CAMK2D: variants seen among roughly 807,000 people sequenced by gnomAD.
CAMK2D encodes the protein calcium/calmodulin-dependent protein kinase type II subunit delta.
Under a neutral mutation model 84.0 loss-of-function variants are expected in CAMK2D, and 37 were observed. The observed-to-expected ratio is 0.44, with a 90% confidence interval of 0.34 to 0.58. The LOEUF is 0.58. Ranked by LOEUF, CAMK2D falls within the 20% of genes least tolerant of loss-of-function variation. The pLI, the probability that CAMK2D is intolerant of heterozygous loss-of-function variation, is 0.02. For missense variants in CAMK2D, 448 were observed against 652.5 expected, an observed-to-expected ratio of 0.69 and a Z score of 3.41; for synonymous variants, 202 against 212.5, an observed-to-expected ratio of 0.95 and a Z score of 0.43.
chr4:113,459,327 T>C (rs1474756618), intron 18 of CAMK2D, among the ~76,000 whole-genome samples: 4 of 152,158 alleles, frequency 2.6e-5, no homozygotes. Flanking sequence ...CAAAGTGATC[T>C]CTCATCTCAG....
intron 8 of CAMK2D, among the ~76,000 whole-genome samples, chr4:113,525,024 G>C (rs1170998772): frequency 1.3e-5 from 2 of 152,280 alleles, no homozygotes; most frequent in African/African-American, 4.8e-5. Flanking sequence ...TATCCAGTAG[G>C]CTTGGGATTT....
chr4:113,613,785 A>AAT (rs936950127), intron 3 of CAMK2D, among the ~76,000 whole-genome samples: 3 of 152,130 alleles, frequency 2.0e-5, no homozygotes, highest in African/African-American at 4.8e-5. Flanking sequence ...CAACATACAA[A>AAT]ATATCATAAA....
intron 4 of CAMK2D, among the ~76,000 whole-genome samples, chr4:113,562,907 A>T (rs1441247023): frequency 6.6e-6 from 1 of 152,232 alleles, no homozygotes; most frequent in Non-Finnish European, 1.5e-5. Context: ...ACTTAGTAGT[A>T]GCTTTGTCAC....
intron 16 of CAMK2D, among the ~76,000 whole-genome samples, chr4:113,492,652 T>C (rs1028610766): frequency 3.3e-5 from 5 of 151,000 alleles, no homozygotes; most frequent in African/African-American, 1.2e-4. Context: ...TAGATGTCTA[T>C]TAGGTCCACT....
At chr4:113,692,651 T>C (rs1370176152) in intron 2 of CAMK2D, among the ~76,000 whole-genome samples, 2 of 151,076 alleles carry the variant, frequency 1.3e-5, no homozygotes, top group African/African-American at 4.8e-5. Context: ...CATATTCATA[T>C]ATACATACAT....
intron 4 of CAMK2D, among the ~76,000 whole-genome samples, chr4:113,556,652 C>T (rs1402788704): frequency 1.3e-5 from 2 of 152,166 alleles, no homozygotes; most frequent in Admixed American, 6.5e-5. Context: ...AGCGTGCCAA[C>T]CAGTGTGCCA....
chr4:113,532,443 G>A (rs1001321608), intron 7 of CAMK2D, among the ~76,000 whole-genome samples: 2 of 152,248 alleles, frequency 1.3e-5, no homozygotes, highest in Admixed American at 6.5e-5. Context: ...TAAATATTTG[G>A]TTGGTAGTTG....
rs752979224 is a variant in CAMK2D at position 113,537,467 on chromosome 4, GAGACTGA to G, written c.415-31_415-25del. 6.2e-5 allele frequency: 84 copies of G among 1,352,160 alleles called. 1 individual carries two copies. In the East Asian group the frequency reaches 1.9e-3, roughly 31 times the overall value. 83.8% of individuals were successfully genotyped at this position (1,352,160 alleles called of 1,614,324 possible). A position where few individuals can be genotyped will look rare whatever the true frequency, so the allele number is the denominator to read the frequency against. On this transcript the variant is annotated intron_variant, in intron 6 of 20. Transcript: ENST00000511664. Reference sequence around the variant, plus strand: ...GGCTTTATTTAGAAAGAAAAAAAAAGAGACTGAAGTGAGAACCTATTTTAAGCGACTA... The same window carrying G: ...GGCTTTATTTAGAAAGAAAAAAAAAGAGTGAGAACCTATTTTAAGCGACTA...
chr4:113,528,896 A>G (rs2098439496), intron 8 of CAMK2D, among the ~76,000 whole-genome samples: 1 of 152,136 alleles, frequency 6.6e-6, no homozygotes, highest in Non-Finnish European at 1.5e-5. Flanking sequence ...ATTTTGTGAC[A>G]ATGCTCTAAT....
intron 2 of CAMK2D, among the ~76,000 whole-genome samples, chr4:113,715,317 C>T (rs528191862): frequency 6.6e-6 from 1 of 151,864 alleles, no homozygotes; most frequent in African/African-American, 2.4e-5. Flanking sequence ...GAGCATTCTT[C>T]TCTTCTTCCT....
At chr4:113,459,638 C>CTTTTTT in intron 18 of CAMK2D, among the ~76,000 whole-genome samples, 1 of 133,426 alleles carries the variant, frequency 7.5e-6, no homozygotes, top group Non-Finnish European at 1.6e-5. Context: ...ATCAACATTA[C>CTTTTTT]TTTTTTTTTT....
intron 2 of CAMK2D, among the ~76,000 whole-genome samples, chr4:113,736,847 C>T (rs1196320233): frequency 6.6e-6 from 1 of 152,128 alleles, no homozygotes; most frequent in Non-Finnish European, 1.5e-5. Flanking sequence ...CATTAAATCA[C>T]ATTATCATAC....
chr4:113,601,358 T>G (rs1441282993), intron 4 of CAMK2D, among the ~76,000 whole-genome samples: 1 of 151,958 alleles, frequency 6.6e-6, no homozygotes, highest in African/African-American at 2.4e-5. Context: ...CCTTAAAAAA[T>G]ATAACAAAAT....
intron 4 of CAMK2D, among the ~76,000 whole-genome samples, chr4:113,561,950 C>T (rs1372813241): frequency 1.3e-5 from 2 of 152,112 alleles, no homozygotes; most frequent in African/African-American, 2.4e-5. Context: ...TGGAATATTA[C>T]CAAATGGTTT....
At chr4:113,632,986 A>G (rs914154974) in intron 3 of CAMK2D, among the ~76,000 whole-genome samples, 2 of 152,344 alleles carry the variant, frequency 1.3e-5, no homozygotes, top group South Asian at 2.1e-4. Flanking sequence ...TTTCTTAACT[A>G]TCTGCTTCAA....
intron 2 of CAMK2D, among the ~76,000 whole-genome samples, chr4:113,751,553 C>T (rs868680825): frequency 8.5e-5 from 13 of 152,244 alleles, no homozygotes; most frequent in South Asian, 4.1e-4. Flanking sequence ...GGGTGGATCA[C>T]GAGGTCCGGT....
At chr4:113,585,163 G>T (rs2098828098) in intron 4 of CAMK2D, among the ~76,000 whole-genome samples, 1 of 152,082 alleles carries the variant, frequency 6.6e-6, no homozygotes, top group Non-Finnish European at 1.5e-5. Flanking sequence ...GACAAAACAG[G>T]TTAACATATT....
At chr4:113,602,636 T>G (rs2098958059) in intron 4 of CAMK2D, among the ~76,000 whole-genome samples, 1 of 152,214 alleles carries the variant, frequency 6.6e-6, no homozygotes, top group Non-Finnish European at 1.5e-5. Flanking sequence ...GCTGTTCCTA[T>G]AGACTCAAAG....
At chr4:113,489,288 C>G in intron 16 of CAMK2D, among the ~76,000 whole-genome samples, 1 of 118,682 alleles carries the variant, frequency 8.4e-6, no homozygotes, top group South Asian at 3.6e-4. Flanking sequence ...ATCCCTCCCC[C>G]CTCCCCCCAC....
Sources: allele counts gnomAD v4.1 joint callset (sites outside exome capture counted in the v4.1 genomes callset), GRCh38; gene constraint gnomAD v4.1.1; transcripts MANE v1.5; gene names NCBI Gene and HGNC (gene_info 2026-07-23, HGNC 2026-07-21).